Variants in SMYD3 observed in about 807,000 individuals in gnomAD.
The protein encoded by SMYD3 is histone-lysine N-methyltransferase SMYD3.
Under a neutral mutation model 57.7 loss-of-function variants are expected in SMYD3, and 36 were observed. The observed-to-expected ratio is 0.62, with a 90% CI of 0.48 to 0.82. SMYD3 has a LOEUF of 0.82. Among genes scored for constraint, SMYD3 ranks in the 40% least tolerant of loss-of-function variants. The pLI is 0.00. For missense variants in SMYD3, 515 were observed against 538.8 expected (o/e 0.96, Z 0.44); for synonymous variants, 211 against 195.0 (o/e 1.08, Z -0.68).
intron 11 of SMYD3, among the ~76,000 whole-genome samples, chr1:245,760,780 C>A (rs887655336): frequency 6.6e-6 from 1 of 151,986 alleles, no homozygotes; most frequent in African/African-American, 2.4e-5. Context: ...ACCAGAGGAA[C>A]CACCGTGTAC....
chr1:246,503,750 G>A (rs1353488461), intron 1 of SMYD3, among the ~76,000 whole-genome samples: 1 of 152,100 alleles, frequency 6.6e-6, no homozygotes, highest in East Asian at 1.9e-4. Flanking sequence ...ATCACCTGAG[G>A]TCAGGAGTTT....
At chr1:246,123,603 C>G (rs2061459069) in intron 5 of SMYD3, among the ~76,000 whole-genome samples, 1 of 151,424 alleles carries the variant, frequency 6.6e-6, no homozygotes, top group African/African-American at 2.4e-5. Context: ...CACACACACA[C>G]ACACACACAC....
intron 5 of SMYD3, among the ~76,000 whole-genome samples, chr1:246,012,493 C>G (rs1214758374): frequency 6.6e-6 from 1 of 152,234 alleles, no homozygotes; most frequent in Non-Finnish European, 1.5e-5. Context: ...TGGCAAGAAA[C>G]CTTTGCAGTT....
intron 1 of SMYD3, among the ~76,000 whole-genome samples, chr1:246,457,721 T>A (rs935719992): frequency 3.3e-5 from 5 of 152,188 alleles, no homozygotes; most frequent in Admixed American, 1.3e-4. Context: ...CACAACTTAG[T>A]GCTTTTATAC....
intron 5 of SMYD3, among the ~76,000 whole-genome samples, chr1:246,317,071 CAAT>C (rs1478022932): frequency 6.6e-6 from 1 of 151,642 alleles, no homozygotes; most frequent in Non-Finnish European, 1.5e-5. Context: ...AATATTAAGA[CAAT>C]AAAGTCCCTG....
intron 10 of SMYD3, among the ~76,000 whole-genome samples, chr1:245,846,764 T>C (rs542431278): frequency 6.6e-6 from 1 of 152,344 alleles, no homozygotes; most frequent in Admixed American, 6.5e-5. Flanking sequence ...TCCTTTCACC[T>C]ACTCCCCTAG....
intron 1 of SMYD3, among the ~76,000 whole-genome samples, chr1:246,460,447 T>C (rs1047932933): frequency 1.8e-4 from 28 of 152,226 alleles, no homozygotes; most frequent in Non-Finnish European, 8.8e-5. Flanking sequence ...ATTTGAAATA[T>C]AAGAAAATTA....
Position 246,114,926 on chromosome 1 carries a change from G to A in SMYD3, c.532-184989C>T, listed in dbSNP as rs370767878. On this transcript the variant is annotated intron_variant, in intron 5 of 11. Coordinates refer to ENST00000490107, the MANE Select transcript of SMYD3 (RefSeq NM_001167740.2). ...ATTACAGGCGTGAGCCTCCGCACCC[G>A]GCCTAAACTTGGTTTTAACTCGCAC... Among the ~76,000 whole-genome samples, 5 of 152,180 alleles carry A rather than the reference G, an allele frequency of 3.3e-5. No homozygotes were observed. In the South Asian group the frequency reaches 6.2e-4, roughly 19 times the overall value.
chr1:246,122,077 G>T (rs1451465413), intron 5 of SMYD3, among the ~76,000 whole-genome samples: 1 of 148,118 alleles, frequency 6.8e-6, no homozygotes, highest in Non-Finnish European at 1.5e-5. Flanking sequence ...AAAAAAAAAA[G>T]AATCTCCAAT....
chr1:246,485,741 G>C (rs1999848), intron 1 of SMYD3, among the ~76,000 whole-genome samples: 12,245 of 152,120 alleles, frequency 0.08, 1,613 homozygotes, highest in African/African-American at 0.27. Context: ...AGTGGGCTAG[G>C]ATCACACCAC....
chr1:246,055,157 C>T (rs1410575333), intron 5 of SMYD3, among the ~76,000 whole-genome samples: 9 of 150,010 alleles, frequency 6.0e-5, no homozygotes. Context: ...GCCTGGGTGA[C>T]AGAGCAAGAC....
At chr1:246,385,322 T>TACC (rs1188839117) in intron 1 of SMYD3, among the ~76,000 whole-genome samples, 6 of 152,230 alleles carry the variant, frequency 3.9e-5, no homozygotes, top group African/African-American at 1.4e-4. Context: ...ATATGCCCAT[T>TACC]TCCTAAGTAT....
intron 5 of SMYD3, among the ~76,000 whole-genome samples, chr1:246,280,956 A>G (rs1231311790): frequency 6.6e-6 from 1 of 152,214 alleles, no homozygotes; most frequent in Non-Finnish European, 1.5e-5. Flanking sequence ...ATTTGCAAAA[A>G]CCTAGCAATT....
chr1:246,491,561 G>T (rs74155519), intron 1 of SMYD3, among the ~76,000 whole-genome samples: 4 of 135,116 alleles, frequency 3.0e-5, no homozygotes, highest in Non-Finnish European at 6.1e-5. Flanking sequence ...AAAAAAAAAA[G>T]AGAGAGAAAT....
intron 5 of SMYD3, among the ~76,000 whole-genome samples, chr1:246,135,653 CAT>C (rs1473778275): frequency 1.3e-5 from 2 of 152,066 alleles, no homozygotes; most frequent in Non-Finnish European, 2.9e-5. Flanking sequence ...CACACACACA[CAT>C]ACGTGTATGT....
intron 8 of SMYD3, among the ~76,000 whole-genome samples, chr1:245,876,347 T>G (rs2052483661): frequency 6.6e-6 from 1 of 152,180 alleles, no homozygotes; most frequent in Non-Finnish European, 1.5e-5. Flanking sequence ...CAGCATCTCT[T>G]GGGGGCAGGC....
At chr1:245,770,551 T>C (rs965733101) in intron 10 of SMYD3, among the ~76,000 whole-genome samples, 1 of 152,230 alleles carries the variant, frequency 6.6e-6, no homozygotes, top group South Asian at 2.1e-4. Context: ...CTGAAGGAGA[T>C]AACATCATCC....
At chr1:245,906,258 A>C (rs773025988) in intron 8 of SMYD3, among the ~76,000 whole-genome samples, 1 of 152,214 alleles carries the variant, frequency 6.6e-6, no homozygotes, top group Non-Finnish European at 1.5e-5. Flanking sequence ...ACAAGGGGTT[A>C]ATCACCAGAA....
In SMYD3 at chr1:246,401,403, G is replaced by A. The variant is rs539656124; in HGVS notation, c.165-46309C>T. Reference sequence around the variant, plus strand: ...GGCTGGAGTGCAGTGGTGCAATCTCGGCTCACTGCAAACTCTGCCCCTCAG... The same window carrying A: ...GGCTGGAGTGCAGTGGTGCAATCTCAGCTCACTGCAAACTCTGCCCCTCAG... On this transcript the variant is annotated intron_variant, in intron 1 of 11. Coordinates refer to ENST00000490107, the MANE Select transcript of SMYD3 (RefSeq NM_001167740.2). Among the ~76,000 whole-genome samples, 28 of 151,998 alleles carry A rather than the reference G, an allele frequency of 1.8e-4. 1 individual carries two copies. The highest frequency in any genetic ancestry group is 5.3e-4 in the African/African-American group (22 of 41,452).
Sources: allele counts gnomAD v4.1 joint callset (sites outside exome capture counted in the v4.1 genomes callset), GRCh38; gene constraint gnomAD v4.1.1; transcripts MANE v1.5; gene names NCBI Gene and HGNC (gene_info 2026-07-23, HGNC 2026-07-21).